Variants in NCOR1 observed in about 807,000 individuals in gnomAD.
NCOR1 encodes nuclear receptor corepressor 1.
Under a neutral mutation model 288.1 loss-of-function variants are expected in NCOR1, and 63 were observed. The observed-to-expected ratio is 0.22, with a 90% CI of 0.18 to 0.27. The LOEUF is 0.27. Ranked by LOEUF, NCOR1 falls within the 10% of genes least tolerant of loss-of-function variation. NCOR1 has a pLI of 1.00. For missense variants in NCOR1, 2,397 were observed against 3,019.2 expected (o/e 0.79, Z 4.83); for synonymous variants, 1,007 against 1,065.9 (o/e 0.94, Z 1.08).
At chr17:16,168,359 T>A (rs8067988) in intron 4 of NCOR1, among the ~76,000 whole-genome samples, 1 of 151,806 alleles carries the variant, frequency 6.6e-6, no homozygotes, top group African/African-American at 2.4e-5. Context: ...TGCCACCACG[T>A]CCAGATAATT....
chr17:16,061,766 G>A lies in NCOR1; in HGVS notation c.5516C>T (p.Thr1839Ile), dbSNP rs773326476. 3.7e-6 allele frequency: 6 copies of A among 1,614,082 alleles called. No individual in the cohort carries two copies. In the South Asian group the frequency reaches 6.6e-5, roughly 18 times the overall value. The stretch of plus-strand genomic sequence containing the variant: ...GGCAGCTTCATGCTTACTCTCTTTT[G>A]TTTTGGACACATCCATCTGGGGTGC... The part of the protein sequence containing the change: ...ASAPQMDVSK[T>I]KESKHEAARL... The change falls in exon 37 of 46, where the codon ACA becomes ATA. Residue 1839 changes from threonine to isoleucine, a missense_variant. Physicochemically the swap from Thr to Ile is moderately conservative, Grantham distance 89 (BLOSUM62 -1). Transcript: ENST00000268712.
At chr17:16,166,477 C>T (rs796718868) in intron 4 of NCOR1, among the ~76,000 whole-genome samples, 1 of 152,028 alleles carries the variant, frequency 6.6e-6, no homozygotes, top group Non-Finnish European at 1.5e-5. Context: ...TCAGGAGTTC[C>T]AGACCAGCCT....
chr17:16,121,374 C>T, intron 15 of NCOR1, 105 bp from the exon 16 acceptor site: 1 of 915,450 alleles, frequency 1.1e-6, no homozygotes, highest in Non-Finnish European at 1.5e-6. Flanking sequence ...ATAAAACTAC[C>T]TAATCTCTCA....
chr17:16,107,384 T>C (rs913158975), intron 19 of NCOR1, among the ~76,000 whole-genome samples: 1 of 152,002 alleles, frequency 6.6e-6, no homozygotes, highest in African/African-American at 2.4e-5. Context: ...TGTCTTCATA[T>C]GAGGAAGAGA....
intron 22 of NCOR1, chr17:16,087,452 A>G (rs2152874584): frequency 1.6e-6 from 1 of 623,614 alleles, no homozygotes. Flanking sequence ...CTATAACATT[A>G]AAGTCTAAAA....
chr17:16,138,272 A>C (rs1390603737), intron 12 of NCOR1, 60 bp from the exon 13 acceptor site: 1 of 1,435,524 alleles, frequency 7.0e-7, no homozygotes, highest in Non-Finnish European at 9.6e-7. Context: ...ACTAAAAAAA[A>C]AAAAACTTGG....
intron 18 of NCOR1, among the ~76,000 whole-genome samples, chr17:16,109,392 T>C (rs888939709): frequency 6.6e-6 from 1 of 152,060 alleles, no homozygotes. Context: ...TATACATGAA[T>C]ATAAATATTT....
chr17:16,146,254 C>G, intron 10 of NCOR1, 122 bp downstream of exon 10: 1 of 855,700 alleles, frequency 1.2e-6, no homozygotes, highest in South Asian at 1.9e-5. Flanking sequence ...ATGACCCTGC[C>G]AAATCCCCCT....
Position 16,130,704 on chromosome 17 carries a change from G to C in NCOR1, c.1510-4498C>G, listed in dbSNP as rs115797678. 6.5e-3 allele frequency among the ~76,000 whole-genome samples: 990 copies of C among 152,210 alleles called. 10 individuals are homozygous for C. Among genetic ancestry groups the C allele is most frequent in the African/African-American group, 0.023 (947 of 41,534 alleles). Reference sequence around the variant, plus strand: ...ATTTTTATTTTTATTTTCATTGTGAGACAGGGTCTTACTATGTCACCCAGG... The same window carrying C: ...ATTTTTATTTTTATTTTCATTGTGACACAGGGTCTTACTATGTCACCCAGG... On this transcript the variant is annotated intron_variant, in intron 14 of 45. Coordinates refer to ENST00000268712, the MANE Select transcript of NCOR1 (RefSeq NM_006311.4).
rs1379966317 is a variant in NCOR1, at chr17:16,034,920, A to T, written c.6980T>A (p.Ile2327Asn). The T allele has an allele frequency of 6.2e-7, 1 of 1,613,976 alleles. No individual in the cohort carries two copies. The highest frequency in any genetic ancestry group is 1.3e-5 in the African/African-American group (1 of 74,898). Reference sequence around the variant, plus strand: ...AGATTTCCTGCTGTTTGACTTGCTGATCAGCTTTGGTTTGCAAACTCCTCC... The same window carrying T: ...AGATTTCCTGCTGTTTGACTTGCTGTTCAGCTTTGGTTTGCAAACTCCTCC... The part of the protein sequence containing the change: ...HSGGVCKPKL[I>N]SKSNSRKSKS... Residue 2327 changes from isoleucine (I) to asparagine (N), a missense_variant, in exon 45 of 46, where the codon ATC becomes AAC. This residue lies in a region of NCOR1 where 1,872 missense variants were observed against 2,187.8 expected (regional missense o/e 0.86). Transcript: ENST00000268712.
chr17:16,158,795 G>A lies in NCOR1; in HGVS notation c.697C>T (p.Arg233Cys), dbSNP rs1373145988. 19 of 1,613,798 alleles carry A rather than the reference G, an allele frequency of 1.2e-5. No homozygotes were observed. The highest frequency in any genetic ancestry group is 2.7e-5 in the African/African-American group (2 of 74,872). Residue 233 changes from arginine to cysteine, a missense_variant, in exon 6 of 46, where the codon CGC becomes TGC. Physicochemically the swap from Arg to Cys is radical, Grantham distance 180 (BLOSUM62 -3). Around this residue, in one of 11 missense-constraint regions of NCOR1, gnomAD observed 76 missense variants for 102.2 expected, o/e 0.74. Transcript: ENST00000268712. ...TCATAAATAATTTGGACAATACTGC[G>A]GTGTTTCTGCTCCACAGGAGGAGGG... ...VSPPPVEQKH[R>C]SIVQIIYDEN...
In NCOR1 at chr17:16,039,348, T is replaced by G. The variant is rs1478042785; in HGVS notation, c.6955+85A>C. The G allele has an allele frequency of 4.7e-6, 6 of 1,270,392 alleles. No individual in the cohort carries two copies. In the African/African-American group the frequency reaches 7.4e-5, roughly 16 times the overall value. 78.7% of individuals were successfully genotyped at this position (1,270,392 alleles called of 1,614,324 possible). A position where few individuals can be genotyped will look rare whatever the true frequency, so the allele number is the denominator to read the frequency against. On this transcript the variant is annotated intron_variant, in intron 44 of 45. Coordinates refer to ENST00000268712, the MANE Select transcript of NCOR1 (RefSeq NM_006311.4). ...TGAGCACATAAAGACATAAATGAAA[T>G]GTCTTAGTGATGCATCAGAATTTGG...
At position 16,158,835 on chromosome 17, in the gene NCOR1, A is replaced by C; in HGVS notation, c.657T>G (p.Pro219=). The change falls in exon 6 of 46, where the codon CCT becomes CCG. Residue 219 remains proline, a synonymous_variant. Coordinates refer to ENST00000268712, the MANE Select transcript of NCOR1 (RefSeq NM_006311.4). ...LEEEAAKPPE[P]EKPVSPPPVE... is the part of the protein sequence containing the mutation. ...CAGGAGGAGGGGACACGGGCTTCTC[A>C]GGCTCAGGAGGTTTAGCTGCCTCTT... is the stretch of plus-strand genomic sequence containing the variant. The C allele has an allele frequency of 6.2e-7, 1 of 1,614,078 alleles. No homozygotes were observed. Among genetic ancestry groups the C allele is most frequent in the Non-Finnish European group, 8.5e-7 (1 of 1,179,984 alleles).
intron 6 of NCOR1, among the ~76,000 whole-genome samples, chr17:16,158,076 C>T (rs953995316): frequency 3.9e-5 from 6 of 152,118 alleles, no homozygotes; most frequent in African/African-American, 7.2e-5. Context: ...CAGGTTCAAC[C>T]GATTCTCCTG....
At chr17:16,192,023 A>C (rs1277733508) in intron 2 of NCOR1, 1 of 150,522 alleles carries the variant, frequency 6.6e-6, no homozygotes, top group Non-Finnish European at 1.5e-5. Context: ...GGATGAACCC[A>C]CCCAGGTTAC....
intron 32 of NCOR1, 116 bp from the exon 33 acceptor site, chr17:16,065,810 CT>C (rs1291605789): frequency 3.5e-6 from 3 of 854,670 alleles, no homozygotes; most frequent in African/African-American, 1.7e-5. Flanking sequence ...GCACATGGAA[CT>C]TTTACTTAGC....
At chr17:16,112,838 C>G (rs1235961412) in intron 18 of NCOR1, among the ~76,000 whole-genome samples, 1 of 151,908 alleles carries the variant, frequency 6.6e-6, no homozygotes, top group African/African-American at 2.4e-5. Flanking sequence ...TAGACACTTA[C>G]TATATCAGAA....
At chr17:16,071,738 A>AAAAATGGTT in intron 29 of NCOR1, 73 bp from the exon 30 acceptor site, 1 of 1,365,464 alleles carries the variant, frequency 7.3e-7, no homozygotes, top group East Asian at 2.3e-5. Context: ...CTGTGCACTT[A>AAAAATGGTT]AAAATGGTTA....
chr17:16,101,355 A>C lies in NCOR1; in HGVS notation c.2585T>G (p.Val862Gly). 1.2e-6 allele frequency: 2 copies of C among 1,614,178 alleles called. No individual in the cohort carries two copies. The highest frequency in any genetic ancestry group is 8.5e-7 in the Non-Finnish European group (1 of 1,180,038). The change falls in exon 20 of 46, where the codon GTA (valine) becomes GGA (glycine). Residue 862 changes from valine to glycine, a missense_variant. Around this residue, in one of 11 missense-constraint regions of NCOR1, gnomAD observed 1,872 missense variants for 2,187.8 expected, o/e 0.86. Transcript: ENST00000268712. ...KVEPRDEDLV[V>G]AQQINAQRPE... ...CCTTTGGGCATTTATTTGCTGAGCT[A>C]CCACCAAATCTTCATCTCTAGGTTC...
Sources: gnomAD v4.1 joint callset for allele counts (sites outside exome capture counted in the v4.1 genomes callset) on GRCh38, gnomAD v4.1.1 for gene constraint, gnomAD v4.1.1 regional missense constraint, MANE v1.5 for transcripts, NCBI Gene and HGNC (gene_info 2026-07-23, HGNC 2026-07-21) for gene names.